Variants in SLC14A2 observed in about 807,000 individuals in gnomAD.
SLC14A2 encodes the protein urea transporter 2.
Under a neutral mutation model 104.6 loss-of-function variants are expected in SLC14A2, and 91 were observed. The observed-to-expected ratio is 0.87, with a 90% CI of 0.73 to 1.04. The LOEUF is 1.04. Among genes scored for constraint, SLC14A2 ranks in the 50% least tolerant of loss-of-function variants. The pLI, the probability that SLC14A2 is intolerant of heterozygous loss-of-function variation, is 0.00. For synonymous variants in SLC14A2, 476 were observed against 466.4 expected (o/e 1.02, Z -0.27); for missense variants, 1,189 against 1,156.0 (o/e 1.03, Z -0.41).
At chr18:45,534,442 C>G (rs1286475681) in intron 2 of SLC14A2, among the ~76,000 whole-genome samples, 1 of 152,168 alleles carries the variant, frequency 6.6e-6, no homozygotes, top group African/African-American at 2.4e-5. Context: ...CTAAAACCAG[C>G]TCAGTGGTTT....
intron 4 of SLC14A2, among the ~76,000 whole-genome samples, chr18:45,630,755 G>A (rs2045330834): frequency 6.6e-6 from 1 of 152,172 alleles, no homozygotes; most frequent in Non-Finnish European, 1.5e-5. Flanking sequence ...GTGCTCCCCA[G>A]TGGTCTTCTC....
intron 2 of SLC14A2, among the ~76,000 whole-genome samples, chr18:45,503,492 C>T (rs576452348): frequency 6.6e-6 from 1 of 152,232 alleles, no homozygotes; most frequent in South Asian, 2.1e-4. Context: ...TTCTGTTTGC[C>T]ATTGTAACCC....
chr18:45,246,564 TTTGTTGTTG>T (rs147782673), intron 1 of SLC14A2, among the ~76,000 whole-genome samples: 2 of 152,034 alleles, frequency 1.3e-5, no homozygotes, highest in African/African-American at 4.8e-5. Context: ...AGAAATAACT[TTTGTTGTTG>T]TTGTTGTTGT....
At chr18:45,423,407 C>G (rs1028311315) in intron 1 of SLC14A2, among the ~76,000 whole-genome samples, 1 of 152,190 alleles carries the variant, frequency 6.6e-6, no homozygotes, top group African/African-American at 2.4e-5. Flanking sequence ...TCAGGACCCC[C>G]TGTGTGGAGG....
In SLC14A2 at chr18:45,641,231, C is replaced by G; in HGVS notation, c.1014C>G (p.Phe338Leu). ...TAGCCCTGTCAGTGGCCACACCCTT[C>G]GAGACCATCTACACAGGCCTCTGGA... ...LLAALSVATP[F>L]ETIYTGLWSY... Residue 338 changes from phenylalanine to leucine, a missense_variant, in exon 8 of 20, where the codon TTC (phenylalanine) becomes TTG (leucine). Physicochemically the swap from Phe to Leu is conservative, Grantham distance 22 (BLOSUM62 0). Coordinates refer to ENST00000255226, the MANE Select transcript of SLC14A2 (RefSeq NM_007163.4). 2.5e-6 allele frequency: 4 copies of G among 1,614,094 alleles called. No individual in the cohort carries two copies. Among genetic ancestry groups the G allele is most frequent in the East Asian group, 2.2e-5 (1 of 44,872 alleles).
At chr18:45,185,648 A>T in the SLC14A2 span, among the ~76,000 whole-genome samples, 426 of 152,326 alleles carry the variant, frequency 2.8e-3, no homozygotes, top group Middle Eastern at 0.014. Flanking sequence ...AGCCAGTGAA[A>T]TATGGCAAGA....
intron 16 of SLC14A2, 122 bp downstream of exon 16, chr18:45,669,620 A>C: frequency 1.3e-6 from 1 of 770,350 alleles, no homozygotes; most frequent in Non-Finnish European, 2.1e-6. Context: ...AGTACCAAGC[A>C]TTCTACATAT....
In SLC14A2 at chr18:45,682,444, C is replaced by T; in HGVS notation, c.2688C>T (p.Arg896=). ...LSKVTYPEAN[R]IYYLSQERNR... ...AAGTCACCTACCCAGAGGCCAACCG[C>T]ATCTACTACCTGTCCCAGGAGAGAA... The change falls in exon 20 of 20, where the codon CGC becomes CGT. Residue 896 remains arginine, a synonymous_variant. Transcript: ENST00000255226. 2 of 1,614,196 alleles carry T rather than the reference C, an allele frequency of 1.2e-6. No homozygotes were observed. Among genetic ancestry groups the T allele is most frequent in the Middle Eastern group, 1.6e-4 (1 of 6,062 alleles).
At chr18:45,464,342 G>A (rs1360278930) in intron 1 of SLC14A2, among the ~76,000 whole-genome samples, 1 of 152,148 alleles carries the variant, frequency 6.6e-6, no homozygotes, top group Non-Finnish European at 1.5e-5. Context: ...AAACCCCATG[G>A]ACCTCTGAGA....
chr18:45,454,562 A>C (rs1454147758), intron 1 of SLC14A2, among the ~76,000 whole-genome samples: 1 of 152,104 alleles, frequency 6.6e-6, no homozygotes, highest in Non-Finnish European at 1.5e-5. Flanking sequence ...GGTATTTTAG[A>C]CATGAAGTCT....
At chr18:45,254,546 A>G (rs2084456183) in intron 1 of SLC14A2, among the ~76,000 whole-genome samples, 1 of 152,230 alleles carries the variant, frequency 6.6e-6, no homozygotes. Context: ...TTTTGCTTCC[A>G]TAGACTGTGA....
At chr18:45,628,417 C>G (rs534479916) in intron 4 of SLC14A2, among the ~76,000 whole-genome samples, 3 of 150,240 alleles carry the variant, frequency 2.0e-5, no homozygotes, top group Non-Finnish European at 4.4e-5. Flanking sequence ...ACACTCCAGC[C>G]TGGTGACAGA....
intron 2 of SLC14A2, chr18:45,489,871 T>C (rs1354148523): frequency 6.6e-6 from 1 of 152,216 alleles, no homozygotes; most frequent in Non-Finnish European, 1.5e-5. Context: ...TTTTGAACTG[T>C]TCAAAGCATC....
At chr18:45,660,488 A>G (rs2045920396) in intron 10 of SLC14A2, among the ~76,000 whole-genome samples, 1 of 152,228 alleles carries the variant, frequency 6.6e-6, no homozygotes, top group Non-Finnish European at 1.5e-5. Flanking sequence ...GCATTTCGTA[A>G]GCATTATCTC....
intron 1 of SLC14A2, among the ~76,000 whole-genome samples, chr18:45,268,344 A>T (rs1395070661): frequency 3.3e-5 from 5 of 152,234 alleles, no homozygotes. Context: ...CAAGTAGTTA[A>T]ATGTTCGTAT....
At chr18:45,276,998 A>G (rs2084709538) in intron 1 of SLC14A2, among the ~76,000 whole-genome samples, 1 of 152,202 alleles carries the variant, frequency 6.6e-6, no homozygotes, top group Non-Finnish European at 1.5e-5. Flanking sequence ...CTCTCCTATT[A>G]GTTAAAATTG....
chr18:45,221,405 G>C (rs1386394742), intron 1 of SLC14A2, among the ~76,000 whole-genome samples: 2 of 152,196 alleles, frequency 1.3e-5, no homozygotes, highest in East Asian at 3.9e-4. Context: ...GGCCTATCTT[G>C]CATCCTGTGG....
At chr18:45,182,696 CA>C in the SLC14A2 span, among the ~76,000 whole-genome samples, 8 of 151,614 alleles carry the variant, frequency 5.3e-5, no homozygotes, top group African/African-American at 1.9e-4. Flanking sequence ...AAAGCAACAA[CA>C]AAAAATATAT....
chr18:45,472,111 AG>A (rs762416008), intron 1 of SLC14A2, among the ~76,000 whole-genome samples: 39 of 152,064 alleles, frequency 2.6e-4, no homozygotes, highest in South Asian at 1.0e-3. Context: ...CCCCCTTATG[AG>A]TGAGAATATG....
Sources: allele counts gnomAD v4.1 joint callset (sites outside exome capture counted in the v4.1 genomes callset), GRCh38; gene constraint gnomAD v4.1.1; transcripts MANE v1.5; gene names NCBI Gene and HGNC (gene_info 2026-07-23, HGNC 2026-07-21).